GPR108: variants seen among roughly 807,000 people sequenced by gnomAD.
GPR108 encodes the protein protein GPR108.
A neutral mutation model predicts 74.3 loss-of-function variants in GPR108; 60 were observed. The ratio of observed to expected loss-of-function variants is 0.81; its 90% confidence interval spans 0.66 to 1.00. The LOEUF (loss-of-function observed/expected upper bound fraction) is 1.00. GPR108 is among the 50% of genes least tolerant of loss of function. GPR108 has a pLI of 0.00. For synonymous variants in GPR108, 311 were observed against 292.4 expected (o/e 1.06, Z -0.65); for missense variants, 667 against 703.3 (o/e 0.95, Z 0.58).
chr19:6,732,586 A>G, intron 10 of GPR108, 37 bp from the exon 11 acceptor site: 1 of 1,419,942 alleles, frequency 7.0e-7, no homozygotes, highest in Non-Finnish European at 9.9e-7. Context: ...TGAGGCGCAC[A>G]GAGGGGTGGG....
rs1031059970 is a variant in GPR108 at position 6,736,863 on chromosome 19, C to A, written c.121-152G>T. On this transcript the variant is annotated intron_variant, in intron 1 of 17. Transcript: ENST00000264080. Reference sequence around the variant, plus strand: ...GACAAGAGAAAGTTGAGAGGGACTTCCTCCCTGCAGGGGAAGGGTGGTCCT... The same window carrying A: ...GACAAGAGAAAGTTGAGAGGGACTTACTCCCTGCAGGGGAAGGGTGGTCCT... 3.8e-6 allele frequency: 4 copies of A among 1,042,590 alleles called. No homozygotes were observed. In the African/African-American group the frequency reaches 4.8e-5, roughly 12 times the overall value. 64.6% of individuals were successfully genotyped at this position (1,042,590 alleles called of 1,614,324 possible).
Position 6,732,343 on chromosome 19 carries a change from T to G in GPR108, c.1045A>C (p.Ile349Leu). ...GALLFITIAL[I>L]GSGWAFIKYV... ...TTGATGAAGGCCCAGCCTGAGCCAATCAGGGCGATGGTGATGAAGAGGAGG... is the reference window on the plus strand; with the variant it reads ...TTGATGAAGGCCCAGCCTGAGCCAAGCAGGGCGATGGTGATGAAGAGGAGG... The change falls in exon 12 of 18, where the codon ATT (isoleucine) becomes CTT (leucine). Residue 349 changes from isoleucine to leucine, a missense_variant. Ile to Leu is a conservative substitution (Grantham distance 5, BLOSUM62 2). Coordinates refer to ENST00000264080, the MANE Select transcript of GPR108 (RefSeq NM_001080452.2). 6.2e-7 allele frequency: 1 copy of G among 1,613,510 alleles called. No homozygotes were observed. Among genetic ancestry groups the G allele is most frequent in the African/African-American group, 1.3e-5 (1 of 75,060 alleles).
chr19:6,736,806 G>C, intron 1 of GPR108, 95 bp from the exon 2 acceptor site: 1 of 1,553,898 alleles, frequency 6.4e-7, no homozygotes, highest in Non-Finnish European at 8.8e-7. Context: ...GGGCCTCCTG[G>C]TACCCCTCTA....
At chr19:6,736,163 T>C (rs1032665737) in intron 2 of GPR108, among the ~76,000 whole-genome samples, 9 of 152,184 alleles carry the variant, frequency 5.9e-5, no homozygotes, top group African/African-American at 2.2e-4. Flanking sequence ...GGCAGGATCA[T>C]AGCTCACTAC....
Position 6,732,610 on chromosome 19 carries a change from T to A in GPR108, c.934-61A>T. The A allele has an allele frequency of 5.5e-6, 7 of 1,272,392 alleles. No individual in the cohort carries two copies. In the South Asian group the frequency reaches 8.4e-5, roughly 15 times the overall value. The allele number at this position is 1,272,392 out of a possible 1,614,324, so 78.8% of individuals were successfully genotyped here. A position where few individuals can be genotyped will look rare whatever the true frequency, so the allele number is the denominator to read the frequency against. ...CAGAGGGGTGGGAGGCTGATGGTGG[T>A]GGTGGGGGATTAGGAACACGGACCG... On this transcript the variant is annotated intron_variant, in intron 10 of 17. Coordinates refer to ENST00000264080, the MANE Select transcript of GPR108 (RefSeq NM_001080452.2).
intron 4 of GPR108, 118 bp downstream of exon 4, chr19:6,735,504 A>T (rs1268702358): frequency 3.5e-6 from 3 of 864,428 alleles, no homozygotes; most frequent in African/African-American, 3.4e-5. Flanking sequence ...CAAAACTAAA[A>T]AGTAAGTGGC....
At chr19:6,735,052 T>C (rs1204123371) in intron 4 of GPR108, among the ~76,000 whole-genome samples, 1 of 151,790 alleles carries the variant, frequency 6.6e-6, no homozygotes, top group African/African-American at 2.4e-5. Context: ...GGCTAATTCC[T>C]GTACATTTTT....
At chr19:6,735,419 G>C (rs148953827) in intron 4 of GPR108, 13 of 562,892 alleles carry the variant, frequency 2.3e-5, no homozygotes, top group Non-Finnish European at 3.5e-5. Context: ...CTCTGTATCC[G>C]GGTCTTCTGC....
chr19:6,737,530 TCCGCGGGGCTCCCGCGGCCGAGCC>T lies in GPR108; in HGVS notation c.23_46del (p.Gly8_Ala15del), dbSNP rs1968691050. 6.4e-7 allele frequency: 1 copy of T among 1,557,738 alleles called. No homozygotes were observed. Among genetic ancestry groups the T allele is most frequent in the Non-Finnish European group, 8.6e-7 (1 of 1,159,644 alleles). On this transcript the variant is annotated inframe_deletion, in exon 1 of 18. Transcript: ENST00000264080. ...CACCAGAAGTAGCCGCTGCCCCCAC[TCCGCGGGGCTCCCGCGGCCGAGCC>T]CCCTCCTCTCGCTCACTGCCATCTC...
intron 17 of GPR108, 46 bp downstream of exon 17, chr19:6,730,938 CCTA>C: frequency 1.3e-6 from 2 of 1,599,908 alleles, no homozygotes; most frequent in Non-Finnish European, 1.7e-6. Context: ...CTGCCCACCC[CCTA>C]CTCCACCCCC....
chr19:6,734,806 A>G (rs1175151688), intron 4 of GPR108, among the ~76,000 whole-genome samples: 1 of 150,354 alleles, frequency 6.7e-6, no homozygotes, highest in East Asian at 2.0e-4. Context: ...CAGTCTCCCA[A>G]AGCACTGGAA....
In GPR108 at chr19:6,730,315, T is replaced by C; in HGVS notation, c.1629A>G (p.Leu543=). ...TTGGTCTGAGATGTGGAGGTGATCA[T>C]AACAGTTCCCGCCCGCTGGCTGTTT... is the stretch of plus-strand genomic sequence containing the variant. ...VNKTASGREL[L] The change falls in exon 18 of 18, where the codon TTA becomes TTG. Residue 543 remains leucine (L), a synonymous_variant. Transcript: ENST00000264080. The C allele has an allele frequency of 1.2e-6, 2 of 1,613,672 alleles. No homozygotes were observed. Among genetic ancestry groups the C allele is most frequent in the Non-Finnish European group, 8.5e-7 (1 of 1,179,650 alleles).
At position 6,730,379 on chromosome 19, in the gene GPR108, G is replaced by T; in HGVS notation, c.1565C>A (p.Thr522Lys). 1 of 1,612,934 alleles carries T rather than the reference G, an allele frequency of 6.2e-7. No homozygotes were observed. Among genetic ancestry groups the T allele is most frequent in the African/African-American group, 1.3e-5 (1 of 74,928 alleles). ...GAGGCCTTCCCGGAACCCAGAGTCC[G>T]TCATTCTGGGGGCAGACAGCGAGGA... ...EEDVQMEQVM[T>K]DSGFREGLSK... Residue 522 changes from threonine to lysine, a missense_variant, in exon 18 of 18, where the codon ACG becomes AAG. By Grantham distance (78) the Thr-to-Lys change is moderately conservative (BLOSUM62 -1). Transcript: ENST00000264080.
intron 17 of GPR108, 178 bp from the exon 18 acceptor site, chr19:6,730,562 T>C: frequency 3.5e-6 from 2 of 572,890 alleles, no homozygotes; most frequent in Non-Finnish European, 6.2e-6. Flanking sequence ...GCGCAGGCCC[T>C]ACCCTTCTAC....
Position 6,736,129 on chromosome 19 carries a change from C to T in GPR108, c.241-171G>A, listed in dbSNP as rs554365361. Among the ~76,000 whole-genome samples the T allele has an allele frequency of 2.0e-5, 3 of 152,276 alleles. No individual in the cohort carries two copies. The East Asian group carries it at 5.8e-4, about 29-fold the overall frequency. On this transcript the variant is annotated intron_variant, in intron 2 of 17. Transcript: ENST00000264080. ...GTTGGGGTGGTGGGTGGACCTCATT[C>T]TGTTTCTCAAGCTGGAATACAGTGG... is the stretch of plus-strand genomic sequence containing the variant.
chr19:6,732,222 C>T (rs1968440985), intron 12 of GPR108, 41 bp downstream of exon 12: 1 of 1,611,744 alleles, frequency 6.2e-7, no homozygotes, highest in Non-Finnish European at 8.5e-7. Flanking sequence ...CTGCCCTGTG[C>T]AGCCCTCCCC....
intron 2 of GPR108, 100 bp downstream of exon 2, chr19:6,736,492 G>A (rs769002048): frequency 2.4e-5 from 29 of 1,205,906 alleles, no homozygotes; most frequent in Admixed American, 6.1e-5. Flanking sequence ...GAGAGATGAC[G>A]GGACTTGTAC....
intron 10 of GPR108, 107 bp from the exon 11 acceptor site, chr19:6,732,656 A>G (rs1354870846): frequency 1.1e-6 from 1 of 870,228 alleles, no homozygotes; most frequent in East Asian, 2.6e-5. Context: ...ATGGGTGGTC[A>G]GAAAGTTGAA....
chr19:6,734,089 A>C (rs762619806), intron 5 of GPR108, 35 bp from the exon 6 acceptor site: 1 of 1,613,986 alleles, frequency 6.2e-7, no homozygotes, highest in Non-Finnish European at 8.5e-7. Context: ...TAAGAGATGG[A>C]TGGATGGATA....
Sources: gnomAD v4.1 joint callset for allele counts (sites outside exome capture counted in the v4.1 genomes callset) on GRCh38, gnomAD v4.1.1 for gene constraint, MANE v1.5 for transcripts, NCBI Gene and HGNC (gene_info 2026-07-23, HGNC 2026-07-21) for gene names.